Variants in SYTL4 observed in about 807,000 individuals in gnomAD.
The protein encoded by SYTL4 is synaptotagmin-like protein 4.
Under a neutral mutation model 52.7 loss-of-function variants are expected in SYTL4, and 16 were observed. That is an observed-to-expected ratio of 0.30 (90% CI 0.21 to 0.46). The LOEUF (loss-of-function observed/expected upper bound fraction) is 0.46. SYTL4 is among the 20% of genes least tolerant of loss of function. The pLI is 1.00. For synonymous variants in SYTL4, 160 were observed against 186.6 expected, an observed-to-expected ratio of 0.86 and a Z score of 1.16; for missense variants, 423 against 519.9, an observed-to-expected ratio of 0.81 and a Z score of 1.81.
chrX:100,687,357 C>G (rs2083494899), intron 13 of SYTL4, 112 bp from the exon 14 acceptor site: 1 of 662,441 alleles, frequency 1.5e-6, no homozygotes, highest in African/African-American at 2.1e-5. Context: ...TTCAGAAGCC[C>G]CTGCAATAAG....
intron 4 of SYTL4, 90 bp from the exon 5 acceptor site, chrX:100,702,197 T>G: frequency 2.4e-6 from 1 of 416,724 alleles, no homozygotes; most frequent in Non-Finnish European, 4.1e-6. Context: ...TCCTTTCCCC[T>G]TGAGCCAAGC....
chrX:100,704,641 T>G (rs993227403), intron 3 of SYTL4, among the ~76,000 whole-genome samples, 170 bp downstream of exon 3: 3 of 111,896 alleles, frequency 2.7e-5, no homozygotes, highest in Non-Finnish European at 5.6e-5. Flanking sequence ...CCCTATTAAG[T>G]TAGTGTTGCA....
chrX:100,723,096 T>C (rs1471007308), intron 2 of SYTL4, among the ~76,000 whole-genome samples: 1 of 110,283 alleles, frequency 9.1e-6, no homozygotes, highest in Non-Finnish European at 1.9e-5. Flanking sequence ...AACTGACTAG[T>C]TATTGTACAC....
At chrX:100,723,945 C>T (rs2084419840) in intron 2 of SYTL4, among the ~76,000 whole-genome samples, 1 of 100,939 alleles carries the variant, frequency 9.9e-6, no homozygotes, top group Non-Finnish European at 2.0e-5. Context: ...CCAGGCCAGC[C>T]GCCCCGTCAG....
chrX:100,719,813 C>T (rs945555051), intron 2 of SYTL4, among the ~76,000 whole-genome samples: 4 of 111,897 alleles, frequency 3.6e-5, no homozygotes, highest in Non-Finnish European at 7.5e-5. Context: ...TCAATACCAA[C>T]AAATTCTGTT....
intron 2 of SYTL4, among the ~76,000 whole-genome samples, chrX:100,724,206 GCT>G (rs2084446163): frequency 1.1e-5 from 1 of 92,781 alleles, no homozygotes; most frequent in Non-Finnish European, 2.2e-5. Context: ...GGGGTCATCA[GCT>G]CCCCCGCCCG....
At chrX:100,716,546 TAAAAAAAAA>T (rs751442914) in intron 2 of SYTL4, among the ~76,000 whole-genome samples, 2 of 43,321 alleles carry the variant, frequency 4.6e-5, no homozygotes, top group African/African-American at 1.5e-4. Context: ...CTGCAAAACT[TAAAAAAAAA>T]AAAAAAAAAA....
intron 2 of SYTL4, among the ~76,000 whole-genome samples, chrX:100,723,976 G>GC (rs1402775904): frequency 1.2e-4 from 11 of 94,813 alleles, no homozygotes; most frequent in African/African-American, 4.5e-4. Flanking sequence ...GGGGGGGTCA[G>GC]CCCCCCGCCC....
intron 2 of SYTL4, among the ~76,000 whole-genome samples, chrX:100,726,048 T>C (rs755497425): frequency 9.7e-4 from 106 of 109,389 alleles, no homozygotes; most frequent in Non-Finnish European, 1.7e-3. Flanking sequence ...ATTTCAACTA[T>C]TCTTCTGCCA....
chrX:100,695,397 A>G (rs1364173514), intron 8 of SYTL4, among the ~76,000 whole-genome samples: 1 of 111,804 alleles, frequency 8.9e-6, no homozygotes, highest in Non-Finnish European at 1.9e-5. Flanking sequence ...TCTGGGTCCA[A>G]TGAGACAAGA....
intron 2 of SYTL4, among the ~76,000 whole-genome samples, chrX:100,722,246 G>GAA (rs58479224): frequency 1.1e-4 from 12 of 108,256 alleles, no homozygotes; most frequent in South Asian, 4.1e-4. Context: ...ATCTACTGGA[G>GAA]AAAAAAAAAT....
At chrX:100,710,438 C>T (rs1323945154) in intron 2 of SYTL4, among the ~76,000 whole-genome samples, 3 of 111,724 alleles carry the variant, frequency 2.7e-5, no homozygotes, top group East Asian at 2.8e-4. Flanking sequence ...GATTTAGCTA[C>T]GTCAAGAAAT....
At chrX:100,699,541 T>A (rs1348794331) in intron 8 of SYTL4, among the ~76,000 whole-genome samples, 4 of 76,360 alleles carry the variant, frequency 5.2e-5, no homozygotes, top group Admixed American at 3.3e-4. Flanking sequence ...CAGGCTGGAG[T>A]GCAATGGCGC....
chrX:100,688,420 GTCT>G lies in SYTL4; in HGVS notation c.933_935del (p.Glu311del), dbSNP rs200492084. 5.7e-4 allele frequency: 684 copies of G among 1,201,213 alleles called. No individual in the cohort carries two copies. The Middle Eastern group carries it at 0.014, about 25-fold the overall frequency. The stretch of plus-strand genomic sequence containing the variant: ...GATGTAACTTCACTAGGTGGTCAAT[GTCT>G]TCTTCTTCTTCTTCCTCTTCCTGGA... On this transcript the variant is annotated inframe_deletion, in exon 13 of 20. Transcript: ENST00000372989.
In SYTL4 at chrX:100,687,175, C is replaced by T; in HGVS notation, c.1076G>A (p.Arg359Lys). ...GDFGNIFVTG[R>K]IAFSLKYEQQ... ...CTCATACTTCAGGGAAAAGGCAATC[C>T]TGCCAGTCACAAAGATGTTCCCGAA... Residue 359 changes from arginine to lysine, a missense_variant, in exon 14 of 20, where the codon AGG becomes AAG. Transcript: ENST00000372989. The T allele has an allele frequency of 8.3e-7, 1 of 1,211,263 alleles. No homozygotes were observed. Among genetic ancestry groups the T allele is most frequent in the Non-Finnish European group, 1.1e-6 (1 of 895,066 alleles).
intron 2 of SYTL4, among the ~76,000 whole-genome samples, chrX:100,724,800 C>T (rs1280546998): frequency 2.9e-5 from 3 of 105,037 alleles, no homozygotes; most frequent in African/African-American, 1.0e-4. Flanking sequence ...ATCTGCTGAC[C>T]TTCCCTCCAC....
chrX:100,715,501 A>G (rs2084183533), intron 2 of SYTL4, among the ~76,000 whole-genome samples: 1 of 111,987 alleles, frequency 8.9e-6, no homozygotes, highest in African/African-American at 3.2e-5. Flanking sequence ...TATTTTCATG[A>G]TTCTGCTTGC....
rs2083575636 is a variant in SYTL4 at position 100,690,551 on chromosome X, C to G, written c.717+12G>C. 1 of 1,198,810 alleles carries G rather than the reference C, an allele frequency of 8.3e-7. No homozygotes were observed. Among genetic ancestry groups the G allele is most frequent in the African/African-American group, 1.7e-5 (1 of 57,329 alleles). ...GGAGGGGAGGAAGGTGGCTCAATAA[C>G]CTGAAGCTTACCTTTTCTACTTGAG... On this transcript the variant is annotated intron_variant, in intron 10 of 19. Transcript: ENST00000372989.
chrX:100,728,594 T>A (rs926941218), intron 2 of SYTL4, among the ~76,000 whole-genome samples: 4 of 111,869 alleles, frequency 3.6e-5, no homozygotes, highest in Non-Finnish European at 7.5e-5. Context: ...CTCTTATTGA[T>A]CTTGCGAGAA....
Sources: allele counts gnomAD v4.1 joint callset (sites outside exome capture counted in the v4.1 genomes callset), GRCh38; gene constraint gnomAD v4.1.1; transcripts MANE v1.5; gene names NCBI Gene and HGNC (gene_info 2026-07-23, HGNC 2026-07-21).